Variants in MYO1H observed in about 807,000 individuals in gnomAD.
MYO1H encodes unconventional myosin-Ih.
In MYO1H, 118 loss-of-function variants were observed where a neutral mutation model predicts 149.3. The ratio of observed to expected loss-of-function variants is 0.79; its 90% confidence interval spans 0.68 to 0.92. The LOEUF (loss-of-function observed/expected upper bound fraction) is 0.92. Ranked by LOEUF, MYO1H falls within the 40% of genes least tolerant of loss-of-function variation. The pLI, the probability that MYO1H is intolerant of heterozygous loss-of-function variation, is 0.00. For synonymous variants in MYO1H, 447 were observed against 465.2 expected (o/e 0.96, Z 0.50); for missense variants, 1,212 against 1,280.7 (o/e 0.95, Z 0.82).
the MYO1H span, among the ~76,000 whole-genome samples, chr12:109,334,593 T>C: frequency 9.5e-3 from 1,448 of 152,312 alleles, 24 homozygotes; most frequent in African/African-American, 0.033. Context: ...GCTAGTACAC[T>C]TCTCACAAGC....
At chr12:109,433,060 G>A in intron 20 of MYO1H, 50 bp downstream of exon 20, 1 of 1,470,466 alleles carries the variant, frequency 6.8e-7, no homozygotes, top group Non-Finnish European at 9.5e-7. Flanking sequence ...ACATCAAAGG[G>A]TTTTGTGCAT....
At chr12:109,310,577 C>A in the MYO1H span, among the ~76,000 whole-genome samples, 1 of 151,616 alleles carries the variant, frequency 6.6e-6, no homozygotes, top group African/African-American at 2.4e-5. Context: ...TACTTCGCAG[C>A]AGGCAGGGGA....
chr12:109,356,737 C>G (rs909077100), intron 1 of MYO1H, among the ~76,000 whole-genome samples: 2 of 152,142 alleles, frequency 1.3e-5, no homozygotes, highest in South Asian at 2.1e-4. Context: ...TTTAGAAGCA[C>G]TATTCTGTTT....
intron 23 of MYO1H, among the ~76,000 whole-genome samples, chr12:109,439,172 TC>T (rs1373244298): frequency 1.3e-5 from 2 of 152,106 alleles, no homozygotes; most frequent in Non-Finnish European, 2.9e-5. Flanking sequence ...CCTTCTGGGT[TC>T]AAGCGATTCT....
chr12:109,440,816 C>G lies in MYO1H; in HGVS notation c.2527C>G (p.Arg843Gly), dbSNP rs373069087. 1.9e-6 allele frequency: 3 copies of G among 1,546,972 alleles called. No homozygotes were observed. The African/African-American group carries it at 4.1e-5, about 21-fold the overall frequency. ...GTACTGCCGCGGGATCACAGCTGAG[C>G]GGAAAGCAATGGTAGGGACATGATG... The change falls in exon 25 of 32, where the codon CGG (arginine) becomes GGG (glycine). Residue 843 changes from arginine (R) to glycine (G), a missense_variant. Arg to Gly is a moderately radical substitution (Grantham distance 125). Transcript: ENST00000310903.
At chr12:109,422,292 T>A (rs1050765657) in intron 16 of MYO1H, among the ~76,000 whole-genome samples, 3 of 152,206 alleles carry the variant, frequency 2.0e-5, no homozygotes, top group Non-Finnish European at 2.9e-5. Context: ...CCAAACTTTC[T>A]CTGCCACTTC....
chr12:109,427,711 G>T, intron 19 of MYO1H, 125 bp downstream of exon 19: 1 of 657,940 alleles, frequency 1.5e-6, no homozygotes, highest in Admixed American at 2.1e-5. Flanking sequence ...AACTGCTGTA[G>T]TTATGACAGC....
chr12:109,420,110 G>A (rs2135572055), intron 15 of MYO1H, among the ~76,000 whole-genome samples: 1 of 152,242 alleles, frequency 6.6e-6, no homozygotes, highest in East Asian at 1.9e-4. Flanking sequence ...TGTCCTTGAA[G>A]TTCAGTGCCA....
chr12:109,412,126 C>T (rs1367679882), intron 14 of MYO1H, 141 bp downstream of exon 14: 1 of 569,114 alleles, frequency 1.8e-6, no homozygotes, highest in African/African-American at 2.0e-5. Context: ...ATAGATGTGC[C>T]AGACCTTTGT....
Position 109,425,944 on chromosome 12 carries a change from A to C in MYO1H, c.1726-2A>C, listed in dbSNP as rs1219193325. 7 of 1,604,274 alleles carry C rather than the reference A, an allele frequency of 4.4e-6. No individual in the cohort carries two copies. On this transcript the variant is annotated splice_acceptor_variant, in intron 17 of 31. Coordinates refer to ENST00000310903, the Ensembl canonical transcript of MYO1H. LOFTEE classifies it high-confidence loss of function. ...TCTCTCTCTTTCTCTCTCTCTCTGC[A>C]GGTGGGGACTCAGTTTAAAAACAGT...
chr12:109,339,065 T>TA, the MYO1H span, among the ~76,000 whole-genome samples: 3 of 152,068 alleles, frequency 2.0e-5, no homozygotes, highest in African/African-American at 7.2e-5. Flanking sequence ...TGCTTCTCAT[T>TA]AAAAAATTAA....
At chr12:109,349,247 C>G (rs1370294889) in intron 1 of MYO1H, among the ~76,000 whole-genome samples, 4 of 152,150 alleles carry the variant, frequency 2.6e-5, no homozygotes, top group Non-Finnish European at 5.9e-5. Flanking sequence ...AGTAACCATG[C>G]AGATTGACTT....
intron 7 of MYO1H, among the ~76,000 whole-genome samples, chr12:109,405,623 TAA>T (rs942030989): frequency 2.0e-5 from 3 of 152,226 alleles, no homozygotes; most frequent in Non-Finnish European, 4.4e-5. Context: ...AAATATTTTA[TAA>T]AAGTGTTTTA....
chr12:109,383,263 C>T (rs1197868043), intron 1 of MYO1H, among the ~76,000 whole-genome samples: 1 of 152,226 alleles, frequency 6.6e-6, no homozygotes, highest in Non-Finnish European at 1.5e-5. Context: ...CATCTACCCT[C>T]TTCTCCCCTT....
chr12:109,441,074 C>G (rs1278080575), intron 25 of MYO1H, among the ~76,000 whole-genome samples: 5 of 152,246 alleles, frequency 3.3e-5, no homozygotes, highest in African/African-American at 1.2e-4. Flanking sequence ...TGCCATCCAT[C>G]CACCGGAGCA....
At chr12:109,365,937 G>A (rs1039939239) in intron 1 of MYO1H, among the ~76,000 whole-genome samples, 1 of 152,152 alleles carries the variant, frequency 6.6e-6, no homozygotes, top group Admixed American at 6.5e-5. Context: ...TGTTAGATCC[G>A]TGGCAGCATT....
chr12:109,320,455 CAAAAAAAA>C, the MYO1H span, among the ~76,000 whole-genome samples: 4 of 63,326 alleles, frequency 6.3e-5, no homozygotes, highest in Non-Finnish European at 1.1e-4. Flanking sequence ...ATTAAAAATA[CAAAAAAAA>C]AAAAAAAAAA....
At chr12:109,343,575 A>ACC (rs1268458681), upstream of MYO1H, among the ~76,000 whole-genome samples, 1 of 152,106 alleles carries the variant, frequency 6.6e-6, no homozygotes, top group African/African-American at 2.4e-5. Flanking sequence ...GCTATCCCCA[A>ACC]CCCCCAACCC....
intron 1 of MYO1H, among the ~76,000 whole-genome samples, chr12:109,379,194 C>T (rs1869150040): frequency 6.6e-6 from 1 of 152,170 alleles, no homozygotes; most frequent in African/African-American, 2.4e-5. Flanking sequence ...GTGAAGCTAT[C>T]AAACATTTTC....
Sources: allele counts gnomAD v4.1 joint callset (sites outside exome capture counted in the v4.1 genomes callset), GRCh38; gene constraint gnomAD v4.1.1; transcripts MANE v1.5; gene names NCBI Gene and HGNC (gene_info 2026-07-23, HGNC 2026-07-21).